NKAIN3: variants seen among roughly 807,000 people sequenced by gnomAD.
NKAIN3 encodes the protein sodium/potassium transporting ATPase interacting 3.
A neutral mutation model predicts 30.2 loss-of-function variants in NKAIN3; 25 were observed. The observed-to-expected ratio is 0.83, with a 90% CI of 0.60 to 1.16. NKAIN3 has a LOEUF of 1.16. Among genes scored for constraint, NKAIN3 ranks in the 50% most tolerant of loss-of-function variants. The pLI, the probability that NKAIN3 is intolerant of heterozygous loss-of-function variation, is 0.00. For synonymous variants in NKAIN3, 91 were observed against 89.6 expected (o/e 1.02, Z -0.09); for missense variants, 225 against 254.1 (o/e 0.89, Z 0.78).
intron 1 of NKAIN3, among the ~76,000 whole-genome samples, chr8:62,276,486 G>A (rs1002421211): frequency 2.0e-5 from 3 of 152,206 alleles, no homozygotes; most frequent in African/African-American, 7.2e-5. Flanking sequence ...ATCAATTATT[G>A]TGCTGCTGAT....
At chr8:62,499,926 T>G (rs982421785) in intron 1 of NKAIN3, among the ~76,000 whole-genome samples, 6 of 152,126 alleles carry the variant, frequency 3.9e-5, no homozygotes, top group African/African-American at 1.4e-4. Context: ...ATGCTTTCTT[T>G]TTATTATGTC....
chr8:62,932,939 C>T (rs1822663909), intron 5 of NKAIN3, among the ~76,000 whole-genome samples: 1 of 151,072 alleles, frequency 6.6e-6, no homozygotes, highest in East Asian at 2.0e-4. Flanking sequence ...AACTAGCCAT[C>T]TCCGAGGAAG....
intron 3 of NKAIN3, among the ~76,000 whole-genome samples, chr8:62,745,650 T>C (rs1816045581): frequency 6.6e-6 from 1 of 152,240 alleles, no homozygotes; most frequent in Non-Finnish European, 1.5e-5. Context: ...CTAAAGGGCA[T>C]CTCTTAAGGA....
intron 1 of NKAIN3, among the ~76,000 whole-genome samples, chr8:62,553,219 C>T (rs1032683596): frequency 1.3e-5 from 2 of 152,244 alleles, no homozygotes; most frequent in East Asian, 1.9e-4. Context: ...TCATTCAACT[C>T]GTGTCAATAC....
At chr8:62,492,702 A>G (rs1807110217) in intron 1 of NKAIN3, among the ~76,000 whole-genome samples, 1 of 152,160 alleles carries the variant, frequency 6.6e-6, no homozygotes, top group Admixed American at 6.5e-5. Context: ...TTGCAGCTTC[A>G]TGTGAATAAC....
intron 1 of NKAIN3, chr8:62,474,365 T>C (rs1563414887): frequency 6.6e-6 from 1 of 152,164 alleles, no homozygotes; most frequent in Admixed American, 6.5e-5. Context: ...GGGCAGTCTT[T>C]GTTGTGTCCA....
intron 4 of NKAIN3, among the ~76,000 whole-genome samples, chr8:62,866,053 A>G (rs1820404488): frequency 6.6e-6 from 1 of 152,192 alleles, no homozygotes; most frequent in Non-Finnish European, 1.5e-5. Context: ...AATATGCATA[A>G]TAATTTAGCA....
chr8:62,291,406 T>A (rs1387855187), intron 1 of NKAIN3, among the ~76,000 whole-genome samples: 3 of 152,244 alleles, frequency 2.0e-5, no homozygotes, highest in Non-Finnish European at 4.4e-5. Context: ...TAGACTGCTT[T>A]GAATGTGTCC....
At chr8:62,796,670 A>G (rs530133968) in intron 4 of NKAIN3, among the ~76,000 whole-genome samples, 4 of 152,248 alleles carry the variant, frequency 2.6e-5, no homozygotes, top group African/African-American at 9.6e-5. Flanking sequence ...GTCTTAACCT[A>G]TCTTGTACTG....
At chr8:62,520,487 G>A (rs143256273) in intron 1 of NKAIN3, among the ~76,000 whole-genome samples, 2,085 of 152,050 alleles carry the variant, frequency 0.014, 51 homozygotes, top group African/African-American at 0.047. Context: ...GTCATGTTAA[G>A]TGTTTGAAAT....
intron 4 of NKAIN3, among the ~76,000 whole-genome samples, chr8:62,802,146 G>A (rs1188238596): frequency 6.6e-6 from 1 of 152,234 alleles, no homozygotes; most frequent in Non-Finnish European, 1.5e-5. Flanking sequence ...CGTCTGATTG[G>A]TGTACCTGAA....
Position 62,983,464 on chromosome 8 carries a change from CT to C in NKAIN3, c.*18059del, listed in dbSNP as rs1824130559. On this transcript the variant is annotated 3_prime_UTR_variant, in exon 7 of 7. Transcript: ENST00000623646. ...TGTCTCCCTAAGCATTCAACAAACA[CT>C]TAGTGACCATCTGTCTTGTGCAAAA... 1.3e-5 allele frequency: 2 copies of C among 152,172 alleles called. No individual in the cohort carries two copies. The highest frequency in any genetic ancestry group is 1.3e-4 in the Admixed American group (2 of 15,268). The allele number at this position is 152,172 out of a possible 1,614,324, so 9.4% of individuals were successfully genotyped here. A position where few individuals can be genotyped will look rare whatever the true frequency, so the allele number is the denominator to read the frequency against.
intron 1 of NKAIN3, among the ~76,000 whole-genome samples, chr8:62,334,405 A>G (rs1815462170): frequency 6.6e-6 from 1 of 151,952 alleles, no homozygotes; most frequent in Admixed American, 6.6e-5. Context: ...CATGGCCTTT[A>G]CCTGGTAGGA....
chr8:62,345,348 CAT>C lies in NKAIN3; in HGVS notation c.54+96225_54+96226del, dbSNP rs1361302529. On this transcript the variant is annotated intron_variant, in intron 1 of 6. Coordinates refer to ENST00000623646, the MANE Select transcript of NKAIN3 (RefSeq NM_001304533.3). ...ATACACATATATGTATATATACACA[CAT>C]ATACACATATATGTATATATACACA... Among the ~76,000 whole-genome samples, 28 of 9,626 alleles carry C rather than the reference CAT, an allele frequency of 2.9e-3. 1 individual carries two copies. The highest frequency in any genetic ancestry group is 5.0e-3 in the African/African-American group (27 of 5,438). 6.3% of individuals were successfully genotyped at this position (9,626 alleles called of 152,430 possible).
At chr8:62,480,781 GAAT>G (rs1806694932) in intron 1 of NKAIN3, among the ~76,000 whole-genome samples, 1 of 152,080 alleles carries the variant, frequency 6.6e-6, no homozygotes. Flanking sequence ...GAAGTCAATT[GAAT>G]AATGATGAGC....
At chr8:62,842,809 T>A (rs1819572039) in intron 4 of NKAIN3, among the ~76,000 whole-genome samples, 1 of 151,978 alleles carries the variant, frequency 6.6e-6, no homozygotes, top group Admixed American at 6.6e-5. Context: ...GTTATCCACA[T>A]TCAGAAAAAA....
chr8:62,362,982 C>G (rs1405586295), intron 1 of NKAIN3, among the ~76,000 whole-genome samples: 1 of 152,088 alleles, frequency 6.6e-6, no homozygotes, highest in Non-Finnish European at 1.5e-5. Context: ...ATGTTACAGG[C>G]GTACACTCCT....
At chr8:62,420,257 C>G (rs1804591645) in intron 1 of NKAIN3, among the ~76,000 whole-genome samples, 1 of 152,148 alleles carries the variant, frequency 6.6e-6, no homozygotes, top group African/African-American at 2.4e-5. Flanking sequence ...TGGACCTACT[C>G]AGGCCCAGAT....
chr8:62,576,209 T>C (rs1271698613), intron 1 of NKAIN3, among the ~76,000 whole-genome samples: 1 of 152,030 alleles, frequency 6.6e-6, no homozygotes, highest in Non-Finnish European at 1.5e-5. Context: ...AATTGCAAAC[T>C]ACCCATCTGA....
Sources: allele counts gnomAD v4.1 joint callset (sites outside exome capture counted in the v4.1 genomes callset), GRCh38; gene constraint gnomAD v4.1.1; transcripts MANE v1.5; gene names NCBI Gene and HGNC (gene_info 2026-07-23, HGNC 2026-07-21).